RANBP2: variants seen among roughly 807,000 people sequenced by gnomAD.
RANBP2 encodes the protein RAN binding protein 2.
A neutral mutation model predicts 303.6 loss-of-function variants in RANBP2; 57 were observed. That is an observed-to-expected ratio of 0.19 (90% CI 0.15 to 0.23). The LOEUF is 0.23. Among genes scored for constraint, RANBP2 ranks in the 10% least tolerant of loss-of-function variants. The probability of loss-of-function intolerance (pLI) is 1.00; values close to 1 mark genes in which losing one functional copy is unlikely to be tolerated. For missense variants in RANBP2, 3,138 were observed against 3,780.8 expected (o/e 0.83, Z 4.46); for synonymous variants, 1,167 against 1,301.5 (o/e 0.90, Z 2.23).
At chr2:109,488,409 G>A in the RANBP2 span, among the ~76,000 whole-genome samples, 4 of 152,190 alleles carry the variant, frequency 2.6e-5, no homozygotes, top group African/African-American at 9.6e-5. Flanking sequence ...CAGGCCTCCT[G>A]GGGAGCCAGT....
At chr2:109,495,675 A>G in the RANBP2 span, among the ~76,000 whole-genome samples, 2 of 151,558 alleles carry the variant, frequency 1.3e-5, no homozygotes, top group Non-Finnish European at 2.9e-5. Flanking sequence ...TATTTTTAGT[A>G]GAGACGGGGT....
the RANBP2 span, among the ~76,000 whole-genome samples, chr2:109,335,257 C>A: frequency 6.6e-6 from 1 of 152,240 alleles, no homozygotes; most frequent in Admixed American, 6.5e-5. Context: ...CCTCGCCCGT[C>A]CCACACGAGA....
the RANBP2 span, chr2:108,912,533 C>T: frequency 2.6e-6 from 2 of 771,696 alleles, no homozygotes; most frequent in Admixed American, 4.0e-5. Context: ...CGGGGGGCAA[C>T]ATGTCATTCA....
the RANBP2 span, among the ~76,000 whole-genome samples, chr2:109,694,313 C>G: frequency 6.6e-6 from 1 of 152,044 alleles, no homozygotes; most frequent in Admixed American, 6.6e-5. Flanking sequence ...TCTTTGCCTT[C>G]TGCCATGACT....
At chr2:108,916,107 C>T in the RANBP2 span, among the ~76,000 whole-genome samples, 1 of 152,090 alleles carries the variant, frequency 6.6e-6, no homozygotes, top group African/African-American at 2.4e-5. Context: ...CACACTTCAT[C>T]AGGTGAGTGA....
At chr2:108,915,393 T>C in the RANBP2 span, among the ~76,000 whole-genome samples, 46 of 152,282 alleles carry the variant, frequency 3.0e-4, no homozygotes, top group African/African-American at 9.9e-4. Context: ...AATTGGAAGC[T>C]TGGCCAATGA....
At chr2:109,726,946 C>T in the RANBP2 span, among the ~76,000 whole-genome samples, 2 of 152,134 alleles carry the variant, frequency 1.3e-5, no homozygotes, top group African/African-American at 2.4e-5. Context: ...GTGCTTGGCT[C>T]CTGCCAACCT....
intron 15 of RANBP2, among the ~76,000 whole-genome samples, 150 bp from the exon 16 acceptor site, chr2:108,754,751 ATAAT>A (rs1311219194): frequency 3.5e-5 from 5 of 142,622 alleles, no homozygotes; most frequent in Non-Finnish European, 7.4e-5. Flanking sequence ...AAGAAAAAAG[ATAAT>A]TAAAAAACAC....
At chr2:109,024,290 T>C in the RANBP2 span, among the ~76,000 whole-genome samples, 1 of 152,252 alleles carries the variant, frequency 6.6e-6, no homozygotes, top group Admixed American at 6.5e-5. Context: ...GATGTTATCA[T>C]GAATGTACAA....
the RANBP2 span, among the ~76,000 whole-genome samples, chr2:109,774,533 AT>A: frequency 5.7e-5 from 4 of 69,714 alleles, 1 homozygote; most frequent in South Asian, 9.2e-4. Context: ...TATATATATT[AT>A]ATATAAAATA....
the RANBP2 span, among the ~76,000 whole-genome samples, chr2:109,213,034 T>C: frequency 6.6e-6 from 1 of 152,184 alleles, no homozygotes; most frequent in African/African-American, 2.4e-5. Flanking sequence ...AGGAGTGCAC[T>C]CTGAGCAGGT....
chr2:109,369,483 T>C, the RANBP2 span, among the ~76,000 whole-genome samples: 1 of 152,254 alleles, frequency 6.6e-6, no homozygotes, highest in Non-Finnish European at 1.5e-5. Flanking sequence ...CTTAGAATGC[T>C]CTTTACGTTT....
the RANBP2 span, among the ~76,000 whole-genome samples, chr2:109,023,026 G>A: frequency 6.6e-6 from 1 of 152,254 alleles, no homozygotes; most frequent in East Asian, 1.9e-4. Context: ...ACTCCAGCCT[G>A]GGTGACAGAG....
At chr2:108,798,580 A>C in the RANBP2 span, 52 of 1,604,656 alleles carry the variant, frequency 3.2e-5, no homozygotes, top group Non-Finnish European at 4.3e-5. Context: ...TTCAAATTAT[A>C]AAAGAGGTAA....
the RANBP2 span, among the ~76,000 whole-genome samples, chr2:109,591,494 C>G: frequency 6.6e-6 from 1 of 152,092 alleles, no homozygotes; most frequent in Non-Finnish European, 1.5e-5. Context: ...TTCAAAAAGT[C>G]TGTGAGGAAG....
At chr2:108,830,651 T>C in the RANBP2 span, among the ~76,000 whole-genome samples, 1 of 148,742 alleles carries the variant, frequency 6.7e-6, no homozygotes, top group Non-Finnish European at 1.5e-5. Context: ...TACTAAAAAA[T>C]AGAAAAACTA....
the RANBP2 span, among the ~76,000 whole-genome samples, chr2:109,554,432 G>T: frequency 6.6e-6 from 1 of 152,132 alleles, no homozygotes; most frequent in South Asian, 2.1e-4. Context: ...CCAGTTCAGG[G>T]TCATGGGTGG....
At chr2:109,448,127 C>A in the RANBP2 span, among the ~76,000 whole-genome samples, 1 of 152,170 alleles carries the variant, frequency 6.6e-6, no homozygotes, top group Non-Finnish European at 1.5e-5. Flanking sequence ...CAGGCCAGTT[C>A]GGGATCAAGA....
chr2:109,474,948 CTTTTG>C, the RANBP2 span, among the ~76,000 whole-genome samples: 1 of 152,066 alleles, frequency 6.6e-6, no homozygotes, highest in Non-Finnish European at 1.5e-5. Flanking sequence ...TGTTTTTTGT[CTTTTG>C]TTTTGTTTGG....
Sources: allele counts gnomAD v4.1 joint callset (sites outside exome capture counted in the v4.1 genomes callset), GRCh38; gene constraint gnomAD v4.1.1; transcripts MANE v1.5; gene names NCBI Gene and HGNC (gene_info 2026-07-23, HGNC 2026-07-21).